SLCO1A2: variants seen among roughly 807,000 people sequenced by gnomAD.
SLCO1A2 encodes solute carrier organic anion transporter family member 1A2.
SLCO1A2 carries 67 observed loss-of-function variants against 69.0 expected under a neutral mutation model. That is an observed-to-expected ratio of 0.97 (90% CI 0.80 to 1.19). SLCO1A2 has a LOEUF of 1.19. Among genes scored for constraint, SLCO1A2 ranks in the 50% most tolerant of loss-of-function variants. The pLI is 0.00. For missense variants in SLCO1A2, 787 were observed against 793.7 expected (o/e 0.99, Z 0.10); for synonymous variants, 260 against 265.9 (o/e 0.98, Z 0.22).
Position 21,326,632 on chromosome 12 carries a change from A to G in SLCO1A2, c.61-7709T>C, listed in dbSNP as rs184920615. On this transcript the variant is annotated intron_variant, in intron 2 of 14. Coordinates refer to ENST00000683939, the MANE Select transcript of SLCO1A2 (RefSeq NM_001386879.1). ...AACTGGAGCAAAGGTGATTCTTGCT[A>G]TGCTTTAGTAAAAAGACTGGCAGCA... Among the ~76,000 whole-genome samples the G allele has an allele frequency of 5.9e-5, 9 of 152,318 alleles. No homozygotes were observed. The East Asian group carries it at 1.7e-3, about 29-fold the overall frequency.
chr12:21,407,576 G>A (rs527799103), intron 1 of SLCO1A2, among the ~76,000 whole-genome samples: 5 of 152,136 alleles, frequency 3.3e-5, no homozygotes, highest in South Asian at 2.1e-4. Context: ...CAAGGCAGAC[G>A]AATCACTTGA....
intron 1 of SLCO1A2, among the ~76,000 whole-genome samples, chr12:21,413,744 C>G (rs1941948806): frequency 6.6e-6 from 1 of 152,118 alleles, no homozygotes; most frequent in Non-Finnish European, 1.5e-5. Flanking sequence ...ATAATAGAGA[C>G]AGCCTTACAT....
At chr12:21,373,856 A>T (rs992900199) in intron 2 of SLCO1A2, 1 of 519,302 alleles carries the variant, frequency 1.9e-6, no homozygotes, top group African/African-American at 1.9e-5. Flanking sequence ...TTTTCCTCAG[A>T]TGTCTCTGGA....
chr12:21,357,603 G>A (rs554344370), intron 2 of SLCO1A2, among the ~76,000 whole-genome samples: 24 of 152,274 alleles, frequency 1.6e-4, no homozygotes, highest in East Asian at 7.7e-4. Flanking sequence ...AGGATTTAGC[G>A]TCCAATAGAT....
intron 2 of SLCO1A2, among the ~76,000 whole-genome samples, chr12:21,366,173 G>A (rs1415519346): frequency 6.6e-6 from 1 of 152,114 alleles, no homozygotes; most frequent in African/African-American, 2.4e-5. Flanking sequence ...TGATAGACTG[G>A]ATTAAGAAAA....
chr12:21,362,232 G>T (rs529658295), intron 2 of SLCO1A2, among the ~76,000 whole-genome samples: 7 of 152,266 alleles, frequency 4.6e-5, no homozygotes, highest in Non-Finnish European at 8.8e-5. Flanking sequence ...AGTAGAGAGT[G>T]GGGGCCAATA....
At chr12:21,330,076 G>A (rs948878330) in intron 2 of SLCO1A2, among the ~76,000 whole-genome samples, 2 of 152,112 alleles carry the variant, frequency 1.3e-5, no homozygotes, top group South Asian at 2.1e-4. Context: ...TAATTTGGTA[G>A]TGAAATATTA....
intron 4 of SLCO1A2, among the ~76,000 whole-genome samples, chr12:21,312,842 GGCAGGCGCATT>G (rs1311449740): frequency 6.6e-6 from 1 of 152,060 alleles, no homozygotes; most frequent in East Asian, 1.9e-4. Flanking sequence ...GAGAGTCTGA[GGCAGGCGCATT>G]GCTTGAACCC....
chr12:21,271,675 A>C (rs1288143782), intron 14 of SLCO1A2, among the ~76,000 whole-genome samples: 1 of 121,356 alleles, frequency 8.2e-6, no homozygotes, highest in Non-Finnish European at 2.0e-5. Context: ...AAACATATAT[A>C]CCTATGTGTA....
intron 2 of SLCO1A2, 46 bp from the exon 3 acceptor site, chr12:21,318,969 T>C (rs1371629942): frequency 6.9e-7 from 1 of 1,444,974 alleles, no homozygotes; most frequent in East Asian, 2.4e-5. Flanking sequence ...ATTTTTAAAT[T>C]GTATACTTGC....
At chr12:21,365,532 C>A (rs145913713) in intron 2 of SLCO1A2, among the ~76,000 whole-genome samples, 9,858 of 152,086 alleles carry the variant, frequency 0.065, 348 homozygotes, top group Middle Eastern at 0.14. Context: ...GCAACAAAAG[C>A]CAAAATTGAC....
Position 21,304,467 on chromosome 12 carries a change from T to C in SLCO1A2, c.549A>G (p.Ile183Met). ...AATTTTCAAATTTGGCAAAATCTTCTATATAGGAAATACCCAAAGGCAGGA... is the reference window on the plus strand; with the variant it reads ...AATTTTCAAATTTGGCAAAATCTTCCATATAGGAAATACCCAAAGGCAGGA... ...TPILPLGISY[I>M]EDFAKFENSP... Residue 183 changes from isoleucine (I) to methionine (M), a missense_variant, in exon 6 of 15, where the codon ATA (isoleucine) becomes ATG (methionine). By Grantham distance (10) the Ile-to-Met change is conservative. Coordinates refer to ENST00000683939, the MANE Select transcript of SLCO1A2 (RefSeq NM_001386879.1). 1 of 1,612,954 alleles carries C rather than the reference T, an allele frequency of 6.2e-7. No individual in the cohort carries two copies. The highest frequency in any genetic ancestry group is 8.5e-7 in the Non-Finnish European group (1 of 1,179,014).
chr12:21,289,880 GCAC>G (rs1199511116), intron 12 of SLCO1A2, among the ~76,000 whole-genome samples: 1 of 151,602 alleles, frequency 6.6e-6, no homozygotes, highest in Non-Finnish European at 1.5e-5. Flanking sequence ...TATGCAGATA[GCAC>G]TAGAATTGCA....
intron 8 of SLCO1A2, among the ~76,000 whole-genome samples, chr12:21,298,819 T>C (rs1948144405): frequency 6.6e-6 from 1 of 152,202 alleles, no homozygotes; most frequent in Non-Finnish European, 1.5e-5. Context: ...GAAGAGTTTT[T>C]AATATCATCA....
At chr12:21,289,221 T>TGC (rs1946451529) in intron 12 of SLCO1A2, among the ~76,000 whole-genome samples, 1 of 150,980 alleles carries the variant, frequency 6.6e-6, no homozygotes, top group Non-Finnish European at 1.5e-5. Flanking sequence ...TGTGTGTGTG[T>TGC]GTGTATGGCA....
At chr12:21,290,862 A>G (rs996746146) in intron 12 of SLCO1A2, among the ~76,000 whole-genome samples, 2 of 152,164 alleles carry the variant, frequency 1.3e-5, no homozygotes, top group Non-Finnish European at 2.9e-5. Flanking sequence ...GCACTGTAAA[A>G]GTTAAAAGAA....
chr12:21,299,580 A>G (rs1299888003), intron 8 of SLCO1A2, among the ~76,000 whole-genome samples: 1 of 147,984 alleles, frequency 6.8e-6, no homozygotes, highest in Non-Finnish European at 1.5e-5. Flanking sequence ...TTTCTTTCTG[A>G]TTTAACTTCC....
chr12:21,336,099 C>T (rs1400890850), upstream of SLCO1A2, among the ~76,000 whole-genome samples: 1 of 152,018 alleles, frequency 6.6e-6, no homozygotes, highest in Non-Finnish European at 1.5e-5. Context: ...GAACTGCCCT[C>T]ATTTCTTTCT....
At chr12:21,308,470 A>G (rs759907057) in intron 4 of SLCO1A2, among the ~76,000 whole-genome samples, 6 of 152,198 alleles carry the variant, frequency 3.9e-5, no homozygotes, top group Non-Finnish European at 8.8e-5. Context: ...TAAGAGTGCA[A>G]ACATTTTGGT....
Sources: gnomAD v4.1 joint callset for allele counts (sites outside exome capture counted in the v4.1 genomes callset) on GRCh38, gnomAD v4.1.1 for gene constraint, MANE v1.5 for transcripts, NCBI Gene and HGNC (gene_info 2026-07-23, HGNC 2026-07-21) for gene names.